Variants in LRGUK observed in about 807,000 individuals in gnomAD.
LRGUK encodes leucine rich repeats and guanylate kinase domain containing.
LRGUK carries 65 observed loss-of-function variants against 76.0 expected under a neutral mutation model. That is an observed-to-expected ratio of 0.85 (90% confidence interval 0.70 to 1.05). The LOEUF (loss-of-function observed/expected upper bound fraction) is 1.05, where lower values mean the gene tolerates loss of function less well. Among genes scored for constraint, LRGUK ranks in the 50% least tolerant of loss-of-function variants. LRGUK has a pLI of 0.00. For synonymous variants in LRGUK, 268 were observed against 265.6 expected, an observed-to-expected ratio of 1.01 and a Z score of -0.09; for missense variants, 758 against 732.8, an observed-to-expected ratio of 1.03 and a Z score of -0.40.
chr7:134,127,957 T>C (rs1797091384), intron 1 of LRGUK, among the ~76,000 whole-genome samples: 1 of 145,636 alleles, frequency 6.9e-6, no homozygotes, highest in African/African-American at 2.8e-5. Context: ...GATAATTGTC[T>C]GGGAATTATG....
At chr7:134,206,214 C>T (rs762433795) in intron 15 of LRGUK, among the ~76,000 whole-genome samples, 26 of 152,112 alleles carry the variant, frequency 1.7e-4, no homozygotes, top group Non-Finnish European at 3.5e-4. Context: ...TCAGATATCC[C>T]CTTAATTTAA....
intron 18 of LRGUK, among the ~76,000 whole-genome samples, chr7:134,255,490 AACACCAATG>A (rs1019901626): frequency 2.0e-5 from 3 of 152,204 alleles, no homozygotes; most frequent in Admixed American, 6.5e-5. Flanking sequence ...TGTATAGAGA[AACACCAATG>A]ACACAGGCAC....
exon 1 of LRGUK, chr7:134,127,417 T>C (rs1027474711): frequency 6.2e-7 from 1 of 1,613,374 alleles, no homozygotes; most frequent in Non-Finnish European, 8.5e-7. Flanking sequence ...GCCTCTCTCC[T>C]GAGAGGCTTG....
intron 11 of LRGUK, 66 bp downstream of exon 11, chr7:134,183,919 TGTA>T: frequency 6.3e-7 from 1 of 1,577,978 alleles, no homozygotes; most frequent in South Asian, 1.2e-5. Context: ...TATCAATAGT[TGTA>T]GTAAAATCTC....
intron 16 of LRGUK, among the ~76,000 whole-genome samples, chr7:134,243,305 C>T (rs1802210729): frequency 6.6e-6 from 1 of 152,140 alleles, no homozygotes; most frequent in Admixed American, 6.5e-5. Flanking sequence ...TTAGAAAACC[C>T]CATCGTCTCA....
At chr7:134,208,383 A>T (rs1801095335) in intron 15 of LRGUK, among the ~76,000 whole-genome samples, 1 of 152,206 alleles carries the variant, frequency 6.6e-6, no homozygotes, top group African/African-American at 2.4e-5. Flanking sequence ...TTAAAGTCTC[A>T]TTCACTTGGA....
At chr7:134,233,025 G>C (rs1901218) in intron 16 of LRGUK, among the ~76,000 whole-genome samples, 7,863 of 152,182 alleles carry the variant, frequency 0.052, 454 homozygotes, top group East Asian at 0.15. Context: ...AAAGTGCACA[G>C]CTCTTTTCTT....
chr7:134,259,828 C>T (rs927022081), intron 19 of LRGUK, among the ~76,000 whole-genome samples: 12 of 152,214 alleles, frequency 7.9e-5, no homozygotes, highest in African/African-American at 2.9e-4. Flanking sequence ...CTCCAGGGCC[C>T]GAGGGAACCG....
rs912877773 is a variant in LRGUK, at chr7:134,129,719, G to T, written c.297+2055G>T. 6.6e-5 allele frequency among the ~76,000 whole-genome samples: 10 copies of T among 151,478 alleles called. 2 individuals are homozygous for T. Among genetic ancestry groups the T allele is most frequent in the Admixed American group, 5.3e-4 (8 of 15,224 alleles). ...TGATCTCCTGGGCTCAAGAAATCAG[G>T]CCACCTCAACCTCCCTAAGTGCTGG... is the stretch of plus-strand genomic sequence containing the variant. On this transcript the variant is annotated intron_variant, in intron 1 of 15. Coordinates refer to ENST00000645682, the Ensembl canonical transcript of LRGUK.
At chr7:134,222,023 C>A in intron 16 of LRGUK, 105 bp downstream of exon 16, 2 of 1,101,364 alleles carry the variant, frequency 1.8e-6, no homozygotes, top group South Asian at 2.9e-5. Context: ...CAAAATTATT[C>A]TCTCACTAGT....
intron 18 of LRGUK, among the ~76,000 whole-genome samples, chr7:134,256,047 G>GT (rs1802570907): frequency 6.6e-6 from 1 of 152,058 alleles, no homozygotes; most frequent in South Asian, 2.1e-4. Context: ...CATCACTTGG[G>GT]TTATGGCGCC....
intron 18 of LRGUK, among the ~76,000 whole-genome samples, chr7:134,257,186 T>C (rs1802605458): frequency 6.6e-6 from 1 of 152,216 alleles, no homozygotes; most frequent in South Asian, 2.1e-4. Flanking sequence ...GAGAGCTGCA[T>C]TCTTTTAAGA....
chr7:134,229,360 CT>C (rs1801836597), intron 16 of LRGUK, among the ~76,000 whole-genome samples: 1 of 142,242 alleles, frequency 7.0e-6, no homozygotes, highest in East Asian at 2.1e-4. Context: ...GAGACTCCAT[CT>C]CAAAAAAAAA....
intron 5 of LRGUK, among the ~76,000 whole-genome samples, chr7:134,157,575 T>C (rs1021372637): frequency 1.3e-5 from 2 of 152,206 alleles, no homozygotes; most frequent in Non-Finnish European, 2.9e-5. Flanking sequence ...CAGGCTGGAG[T>C]GCAGTGGCGC....
chr7:134,266,685 T>C (rs1302335311), downstream of LRGUK, among the ~76,000 whole-genome samples: 1 of 152,200 alleles, frequency 6.6e-6, no homozygotes, highest in Admixed American at 6.5e-5. Flanking sequence ...AATGTTTGTG[T>C]CATTGGAGTC....
intron 16 of LRGUK, among the ~76,000 whole-genome samples, chr7:134,235,117 G>C (rs775538497): frequency 3.3e-5 from 5 of 152,210 alleles, no homozygotes; most frequent in Non-Finnish European, 5.9e-5. Context: ...ACAGAAGACA[G>C]AATGATCAAT....
chr7:134,143,828 T>G (rs1302809227), intron 4 of LRGUK, among the ~76,000 whole-genome samples: 1 of 152,220 alleles, frequency 6.6e-6, no homozygotes, highest in Non-Finnish European at 1.5e-5. Flanking sequence ...CCAAATCACC[T>G]GTGGTTCTTG....
chr7:134,189,573 T>C (rs1006554311), intron 11 of LRGUK, among the ~76,000 whole-genome samples: 3 of 152,246 alleles, frequency 2.0e-5, no homozygotes, highest in African/African-American at 7.2e-5. Flanking sequence ...AGCTTCAAAT[T>C]GCTCCTTTGT....
chr7:134,216,602 A>T (rs540899921), intron 15 of LRGUK, among the ~76,000 whole-genome samples: 1 of 152,308 alleles, frequency 6.6e-6, no homozygotes, highest in South Asian at 2.1e-4. Flanking sequence ...TGTTATTTTT[A>T]CTATGATTTC....
Sources: gnomAD v4.1 joint callset for allele counts (sites outside exome capture counted in the v4.1 genomes callset) on GRCh38, gnomAD v4.1.1 for gene constraint, MANE v1.5 for transcripts, NCBI Gene and HGNC (gene_info 2026-07-23, HGNC 2026-07-21) for gene names.